Variants in WDR45B observed in about 807,000 individuals in gnomAD.
The protein encoded by WDR45B is WD repeat domain phosphoinositide-interacting protein 3.
WDR45B carries 20 observed loss-of-function variants against 44.6 expected under a neutral mutation model. The ratio of observed to expected loss-of-function variants is 0.45; its 90% CI spans 0.32 to 0.65. The LOEUF (loss-of-function observed/expected upper bound fraction) is 0.65, where lower values mean the gene tolerates loss of function less well. Ranked by LOEUF, WDR45B falls within the 30% of genes least tolerant of loss-of-function variation. WDR45B has a pLI of 0.05. For missense variants in WDR45B, 323 were observed against 430.2 expected, an observed-to-expected ratio of 0.75 and a Z score of 2.20; for synonymous variants, 169 against 164.9, an observed-to-expected ratio of 1.02 and a Z score of -0.19.
intron 3 of WDR45B, among the ~76,000 whole-genome samples, chr17:82,628,569 T>G (rs2045728311): frequency 7.3e-6 from 1 of 137,140 alleles, no homozygotes. Context: ...GAGACTCCCA[T>G]TTCTGAAAAA....
intron 2 of WDR45B, among the ~76,000 whole-genome samples, chr17:82,633,863 A>G (rs2045799423): frequency 6.6e-6 from 1 of 152,060 alleles, no homozygotes; most frequent in Non-Finnish European, 1.5e-5. Flanking sequence ...AAAAAATAAT[A>G]AAAAGGCCAG....
Position 82,617,303 on chromosome 17 carries a change from GT to G in WDR45B, c.798del (p.Lys266AsnfsTer72). 1 of 1,613,098 alleles carries G rather than the reference GT, an allele frequency of 6.2e-7. No individual in the cohort carries two copies. Among genetic ancestry groups the G allele is most frequent in the Middle Eastern group, 1.9e-4 (1 of 5,260 alleles). On this transcript the variant is annotated frameshift_variant, in exon 8 of 10. Transcript: ENST00000392325. LOFTEE classifies it high-confidence loss of function. The stretch of plus-strand genomic sequence containing the variant: ...AGGCATCCTAACACCTACCTGGACT[GT>G]TTATTCCTTTTTGGATCTTCAGCTG... ...IFAAEDPKRN[K>X]QSSLASASFL...
intron 2 of WDR45B, among the ~76,000 whole-genome samples, chr17:82,636,287 AAC>A (rs1444124179): frequency 2.0e-5 from 3 of 151,002 alleles, no homozygotes; most frequent in Non-Finnish European, 1.5e-5. Context: ...AAAGAAGACA[AAC>A]ACAGTCAGTC....
chr17:82,618,401 C>T (rs1438770376), intron 7 of WDR45B, among the ~76,000 whole-genome samples: 2 of 152,196 alleles, frequency 1.3e-5, no homozygotes, highest in African/African-American at 4.8e-5. Flanking sequence ...GCAGTGTGGC[C>T]TCTCAGACTG....
intron 2 of WDR45B, among the ~76,000 whole-genome samples, chr17:82,640,062 C>A (rs1422346737): frequency 1.5e-5 from 2 of 136,964 alleles, no homozygotes; most frequent in Non-Finnish European, 3.2e-5. Context: ...CAGGGTTGGA[C>A]AACACTGCCC....
intron 1 of WDR45B, chr17:82,644,811 G>A (rs2045956450): frequency 6.6e-6 from 1 of 152,624 alleles, no homozygotes; most frequent in Non-Finnish European, 1.5e-5. Flanking sequence ...TGCAAAGTCT[G>A]GATCTTTCCA....
At chr17:82,624,282 T>A (rs2045661662) in intron 5 of WDR45B, among the ~76,000 whole-genome samples, 1 of 152,154 alleles carries the variant, frequency 6.6e-6, no homozygotes, top group South Asian at 2.1e-4. Flanking sequence ...GTTCTTTTTT[T>A]CTTTAGTCTC....
intron 9 of WDR45B, 30 bp downstream of exon 9, chr17:82,616,494 G>A: frequency 1.2e-6 from 2 of 1,612,872 alleles, no homozygotes; most frequent in South Asian, 2.2e-5. Flanking sequence ...GGGGCGGGTG[G>A]GGACGTTCTC....
At chr17:82,629,706 G>T (rs766568880) in intron 3 of WDR45B, 2 of 985,252 alleles carry the variant, frequency 2.0e-6, no homozygotes, top group Non-Finnish European at 1.2e-6. Flanking sequence ...GCACATTCAC[G>T]TTCACGCAGT....
intron 2 of WDR45B, among the ~76,000 whole-genome samples, chr17:82,638,755 A>G (rs548308708): frequency 6.6e-6 from 1 of 152,194 alleles, no homozygotes; most frequent in Admixed American, 6.5e-5. Context: ...TTCCCATTAT[A>G]AAAATTATGC....
At position 82,621,733 on chromosome 17, in the gene WDR45B, T is replaced by C. The variant is rs74895287; in HGVS notation, c.494A>G (p.His165Arg). The change falls in exon 6 of 10, where the codon CAT (histidine) becomes CGT (arginine). Residue 165 changes from histidine to arginine, a missense_variant. Coordinates refer to ENST00000392325, the MANE Select transcript of WDR45B (RefSeq NM_019613.4). Reference sequence around the variant, plus strand: ...GCTGGCCAGGTCCACAAGCTGCACATGGCCCGTGTGCGTGCCCGGAAAGGC... The same window carrying C: ...GCTGGCCAGGTCCACAAGCTGCACACGGCCCGTGTGCGTGCCCGGAAAGGC... ...LLAFPGTHTG[H>R]VQLVDLASTE... 0.017 allele frequency: 26,688 copies of C among 1,614,194 alleles called. 283 individuals are homozygous for C. Among genetic ancestry groups the C allele is most frequent in the African/African-American group, 0.033 (2,492 of 75,038 alleles).
At chr17:82,648,138 G>A in intron 1 of WDR45B, 136 bp downstream of exon 1, 1 of 1,029,314 alleles carries the variant, frequency 9.7e-7, no homozygotes, top group Non-Finnish European at 1.3e-6. Context: ...GGGCTTCGGA[G>A]GGGAGCTCGG....
chr17:82,617,284 C>T lies in WDR45B; in HGVS notation c.806+12G>A. On this transcript the variant is annotated intron_variant, in intron 8 of 9. Coordinates refer to ENST00000392325, the MANE Select transcript of WDR45B (RefSeq NM_019613.4). ...CCCCCGGCTTTTCCCCAGCAGGCAT[C>T]CTAACACCTACCTGGACTGTTTATT... is the stretch of plus-strand genomic sequence containing the variant. The T allele has an allele frequency of 6.2e-7, 1 of 1,611,830 alleles. No homozygotes were observed. The highest frequency in any genetic ancestry group is 8.5e-7 in the Non-Finnish European group (1 of 1,179,576).
rs1233283152 is a variant in WDR45B, at chr17:82,648,262, G to A, written c.67+12C>T. ...CCCGGCCGGGCAAGGCGACAGGGCC[G>A]CGCCTCCTCACCGTGGTCCTGGTTG... On this transcript the variant is annotated intron_variant, in intron 1 of 9. Coordinates refer to ENST00000392325, the MANE Select transcript of WDR45B (RefSeq NM_019613.4). 3 of 1,603,244 alleles carry A rather than the reference G, an allele frequency of 1.9e-6. No individual in the cohort carries two copies. Among genetic ancestry groups the A allele is most frequent in the Non-Finnish European group, 2.5e-6 (3 of 1,176,682 alleles).
At chr17:82,647,645 C>T (rs1268830924) in intron 1 of WDR45B, among the ~76,000 whole-genome samples, 1 of 151,640 alleles carries the variant, frequency 6.6e-6, no homozygotes, top group Non-Finnish European at 1.5e-5. Flanking sequence ...AGAAAAATCC[C>T]GGGGAGTGGG....
At chr17:82,641,203 G>C (rs2045910694) in intron 2 of WDR45B, among the ~76,000 whole-genome samples, 1 of 151,940 alleles carries the variant, frequency 6.6e-6, no homozygotes, top group Non-Finnish European at 1.5e-5. Context: ...CTGAGCTCAG[G>C]CAATCTGCTC....
In WDR45B at chr17:82,627,264, T is replaced by G. The variant is rs980609421; in HGVS notation, c.272A>C (p.Lys91Thr). 2.5e-6 allele frequency: 4 copies of G among 1,613,296 alleles called. No homozygotes were observed. Among genetic ancestry groups the G allele is most frequent in the Admixed American group, 1.7e-5 (1 of 60,010 alleles). ...AGAAAATTCTATTTCAATAACAGTCTTCTTCTTCAGGTCATCCCAGATCAT... is the reference window on the plus strand; with the variant it reads ...AGAAAATTCTATTTCAATAACAGTCGTCTTCTTCAGGTCATCCCAGATCAT... ...KVMIWDDLKKKTVIEIEFSTE... is the reference protein window; with the variant it reads ...KVMIWDDLKKTTVIEIEFSTE... Residue 91 changes from lysine to threonine, a missense_variant, in exon 4 of 10, where the codon AAG becomes ACG. Lys to Thr is a moderately conservative substitution (Grantham distance 78). Coordinates refer to ENST00000392325, the MANE Select transcript of WDR45B (RefSeq NM_019613.4).
intron 7 of WDR45B, 80 bp downstream of exon 7, chr17:82,618,963 C>T: frequency 7.3e-7 from 1 of 1,365,570 alleles, no homozygotes. Context: ...CTGCTCCTAC[C>T]CCCTCTCCCA....
rs974942670 is a variant in WDR45B at position 82,644,345 on chromosome 17, A to G, written c.68-322T>C. 13 of 399,826 alleles carry G rather than the reference A, an allele frequency of 3.3e-5. No homozygotes were observed. The Admixed American group carries it at 3.6e-4, about 11-fold the overall frequency. 24.8% of individuals were successfully genotyped at this position (399,826 alleles called of 1,614,324 possible). On this transcript the variant is annotated intron_variant, in intron 1 of 9. Coordinates refer to ENST00000392325, the MANE Select transcript of WDR45B (RefSeq NM_019613.4). ...CAAACGTGAAGGACACTTCTAGAGGAAAGCCACCAAGCAGGCAATCCCGCC... is the reference window on the plus strand; with the variant it reads ...CAAACGTGAAGGACACTTCTAGAGGGAAGCCACCAAGCAGGCAATCCCGCC...
Sources: gnomAD v4.1 joint callset for allele counts (sites outside exome capture counted in the v4.1 genomes callset) on GRCh38, gnomAD v4.1.1 for gene constraint, MANE v1.5 for transcripts, NCBI Gene and HGNC (gene_info 2026-07-23, HGNC 2026-07-21) for gene names.